WDR44: variants seen among roughly 807,000 people sequenced by gnomAD.
WDR44 encodes the protein WD repeat domain 44, also known as WD repeat-containing protein 44.
WDR44 carries 9 observed loss-of-function variants against 65.7 expected under a neutral mutation model. The ratio of observed to expected loss-of-function variants is 0.14; its 90% CI spans 0.08 to 0.24. WDR44 has a LOEUF of 0.24. WDR44 is among the 10% of genes least tolerant of loss of function. The pLI, the probability that WDR44 is intolerant of heterozygous loss-of-function variation, is 1.00. For missense variants in WDR44, 425 were observed against 670.9 expected (o/e 0.63, Z 4.05); for synonymous variants, 220 against 235.2 (o/e 0.94, Z 0.59).
chrX:118,410,956 A>G lies in WDR44; in HGVS notation c.1734A>G (p.Thr578=), dbSNP rs753260210. The G allele has an allele frequency of 1.7e-6, 2 of 1,184,797 alleles. No individual in the cohort carries two copies. The highest frequency in any genetic ancestry group is 6.1e-5 in the East Asian group (2 of 32,734). The change falls in exon 12 of 20, where the codon ACA becomes ACG. Residue 578 remains threonine, a synonymous_variant. Coordinates refer to ENST00000254029, the MANE Select transcript of WDR44 (RefSeq NM_019045.5). ...SLSSSKSDTD[T]GVCSGTDEDP... ...GTTCATCAAAATCGGATACAGATAC[A>G]GGGGTATGCTTATTGTTTTATGGTT...
Position 118,393,103 on chromosome X carries a change from C to T in WDR44, c.658C>T (p.Pro220Ser). Residue 220 changes from proline to serine, a missense_variant, in exon 4 of 20, where the codon CCA becomes TCA. Physicochemically the swap from Pro to Ser is moderately conservative, Grantham distance 74. Around this residue, in one of 5 missense-constraint regions of WDR44, gnomAD observed 193 missense variants for 209.0 expected, o/e 0.92. Transcript: ENST00000254029. Reference sequence around the variant, plus strand: ...TGCCAAACCCCCAAGACACCTTACTCCAGAGCCTGATATAGTGGCTAGTAC... The same window carrying T: ...TGCCAAACCCCCAAGACACCTTACTTCAGAGCCTGATATAGTGGCTAGTAC... ...APAKPPRHLT[P>S]EPDIVASTKK... 1 of 1,211,961 alleles carries T rather than the reference C, an allele frequency of 8.3e-7. No homozygotes were observed. The highest frequency in any genetic ancestry group is 1.1e-6 in the Non-Finnish European group (1 of 895,574).
At chrX:118,403,001 G>GT (rs2056933171) in intron 8 of WDR44, among the ~76,000 whole-genome samples, 1 of 111,550 alleles carries the variant, frequency 9.0e-6, no homozygotes, top group African/African-American at 3.3e-5. Flanking sequence ...TATCTACTGT[G>GT]TTTTTTCTAT....
intron 12 of WDR44, among the ~76,000 whole-genome samples, chrX:118,430,148 A>G (rs1050569688): frequency 1.8e-5 from 2 of 110,480 alleles, no homozygotes; most frequent in Non-Finnish European, 3.8e-5. Context: ...TGAAAGATTG[A>G]AGAGAGACAA....
intron 12 of WDR44, among the ~76,000 whole-genome samples, chrX:118,412,479 T>C (rs2057020448): frequency 9.0e-6 from 1 of 111,329 alleles, no homozygotes; most frequent in Non-Finnish European, 1.9e-5. Flanking sequence ...AGGGAGACCA[T>C]GTAAGAGGCT....
At chrX:118,388,870 C>G (rs1176019091) in intron 3 of WDR44, among the ~76,000 whole-genome samples, 1 of 111,859 alleles carries the variant, frequency 8.9e-6, no homozygotes, top group Non-Finnish European at 1.9e-5. Flanking sequence ...CCTCATACTT[C>G]TATATGAGTT....
At chrX:118,366,778 C>T (rs1020444841) in intron 1 of WDR44, among the ~76,000 whole-genome samples, 3 of 111,661 alleles carry the variant, frequency 2.7e-5, no homozygotes, top group Non-Finnish European at 5.6e-5. Context: ...TTTTTAGATG[C>T]ATACTGAAAT....
rs755783000 is a variant in WDR44, at chrX:118,377,194, C to CA, written c.78-1218dup. On this transcript the variant is annotated intron_variant, in intron 1 of 19. Transcript: ENST00000254029. ...GCAACATAGTGAGACCCTGTCTCTA[C>CA]AAAAAAATACAAAATATTAGCTGGG... Among the ~76,000 whole-genome samples, 293 of 108,914 alleles carry CA rather than the reference C, an allele frequency of 2.7e-3. 2 individuals carry two copies. The highest frequency in any genetic ancestry group is 9.5e-3 in the African/African-American group (283 of 29,886). The allele number at this position is 108,914 out of a possible 115,157, so 94.6% of individuals were successfully genotyped here.
intron 2 of WDR44, among the ~76,000 whole-genome samples, chrX:118,379,170 A>G (rs2056692093): frequency 9.0e-6 from 1 of 111,580 alleles, no homozygotes. Flanking sequence ...ATATTCAGGC[A>G]GAGGAGTTTG....
chrX:118,414,835 T>C (rs754668511), intron 12 of WDR44, among the ~76,000 whole-genome samples: 1 of 111,699 alleles, frequency 9.0e-6, no homozygotes, highest in South Asian at 3.8e-4. Context: ...AGTGACAGTT[T>C]GACTTTCTCT....
intron 2 of WDR44, among the ~76,000 whole-genome samples, chrX:118,378,891 A>C (rs2056688498): frequency 1.9e-5 from 2 of 107,551 alleles, no homozygotes; most frequent in African/African-American, 3.4e-5. Flanking sequence ...AAAACACACA[A>C]AAATTATCCA....
chrX:118,400,664 AGTTTT>A (rs1391995252), intron 8 of WDR44, among the ~76,000 whole-genome samples: 25 of 74,634 alleles, frequency 3.3e-4, no homozygotes, highest in African/African-American at 3.1e-3. Context: ...CCCAGAAATC[AGTTTT>A]GTTTTTTTTT....
intron 12 of WDR44, among the ~76,000 whole-genome samples, chrX:118,426,674 C>G (rs1043910414): frequency 9.2e-6 from 1 of 109,282 alleles, no homozygotes; most frequent in Non-Finnish European, 1.9e-5. Context: ...CCACTGCACT[C>G]TAGCCTGGGC....
chrX:118,424,412 G>T (rs2057139430), intron 12 of WDR44, among the ~76,000 whole-genome samples: 1 of 100,534 alleles, frequency 9.9e-6, no homozygotes, highest in African/African-American at 3.8e-5. Flanking sequence ...TTTTGATTTG[G>T]AAATCAAATC....
Position 118,432,270 on chromosome X carries a change from A to T in WDR44, c.1738-511A>T, listed in dbSNP as rs192149977. ...GATGGCTGCTACAGTCTTAGTTGTC[A>T]CATGAAGTCAGCAATGTTCAGATGC... On this transcript the variant is annotated intron_variant, in intron 12 of 19. Transcript: ENST00000254029. Among the ~76,000 whole-genome samples, 31 of 111,542 alleles carry T rather than the reference A, an allele frequency of 2.8e-4. No individual in the cohort carries two copies. The East Asian group carries it at 8.5e-3, about 30-fold the overall frequency.
chrX:118,366,649 C>A (rs1355086371), intron 1 of WDR44, among the ~76,000 whole-genome samples: 1 of 110,466 alleles, frequency 9.1e-6, no homozygotes. Flanking sequence ...TCTGGGAAGT[C>A]TGAATGTTAT....
chrX:118,434,127 A>G (rs927330828), intron 13 of WDR44, among the ~76,000 whole-genome samples: 1 of 112,257 alleles, frequency 8.9e-6, no homozygotes, highest in African/African-American at 3.2e-5. Flanking sequence ...ACGTTGAAAG[A>G]TTTAAGAAAT....
intron 12 of WDR44, among the ~76,000 whole-genome samples, chrX:118,414,206 G>A (rs1467996744): frequency 1.9e-5 from 2 of 103,083 alleles, no homozygotes; most frequent in Non-Finnish European, 3.9e-5. Flanking sequence ...TTCTAATTCT[G>A]TGAAGAATGA....
rs1468559159 is a variant in WDR44 at position 118,444,837 on chromosome X, C to T, written c.2647+343C>T. Among the ~76,000 whole-genome samples, 3 of 110,931 alleles carry T rather than the reference C, an allele frequency of 2.7e-5. No homozygotes were observed. In the East Asian group the frequency reaches 8.5e-4, roughly 31 times the overall value. ...CTGGTCTCAAACTTCTGGGCTCAAG[C>T]AATGCACCCACCTCAGCCTCCCAAA... is the stretch of plus-strand genomic sequence containing the variant. On this transcript the variant is annotated intron_variant, in intron 19 of 19. Transcript: ENST00000254029.
intron 14 of WDR44, among the ~76,000 whole-genome samples, chrX:118,439,238 T>C (rs1332818159): frequency 9.1e-6 from 1 of 109,630 alleles, no homozygotes; most frequent in Non-Finnish European, 1.9e-5. Flanking sequence ...AATATGACTT[T>C]TATTATAATG....
Sources: gnomAD v4.1 joint callset for allele counts (sites outside exome capture counted in the v4.1 genomes callset) on GRCh38, gnomAD v4.1.1 for gene constraint, gnomAD v4.1.1 regional missense constraint, MANE v1.5 for transcripts, NCBI Gene and HGNC (gene_info 2026-07-23, HGNC 2026-07-21) for gene names.